Variants in PCDHGA9 observed in about 807,000 individuals in gnomAD.
The protein encoded by PCDHGA9 is protocadherin gamma-A9.
In PCDHGA9, 37 loss-of-function variants were observed where a neutral mutation model predicts 62.5. The ratio of observed to expected loss-of-function variants is 0.59; its 90% CI spans 0.46 to 0.78. PCDHGA9 has a LOEUF of 0.78. Among genes scored for constraint, PCDHGA9 ranks in the 30% least tolerant of loss-of-function variants. PCDHGA9 has a pLI of 0.00. For missense variants in PCDHGA9, 1,138 were observed against 1,166.2 expected (o/e 0.98, Z 0.35); for synonymous variants, 459 against 484.6 (o/e 0.95, Z 0.69).
Position 141,486,747 on chromosome 5 carries a change from A to G in PCDHGA9, c.2425-8060A>G, listed in dbSNP as rs750666508. The G allele has an allele frequency of 3.1e-6, 5 of 1,614,210 alleles. No homozygotes were observed. The highest frequency in any genetic ancestry group is 4.2e-6 in the Non-Finnish European group (5 of 1,180,034). On this transcript the variant is annotated intron_variant, in intron 1 of 3. Transcript: ENST00000573521. This position sits in a 1 kb window ranked among gnomAD's most constrained non-coding sequence, Gnocchi z 5.0. Reference sequence around the variant, plus strand: ...GTTCATGCTACTCGATCCTTTGACTATGAGCAAACCCAGACACTGCAGTTT... The same window carrying G: ...GTTCATGCTACTCGATCCTTTGACTGTGAGCAAACCCAGACACTGCAGTTT...
rs769232324 is a variant in PCDHGA9, at chr5:141,423,034, G to T, written c.2424+17658G>T. 4 of 1,614,082 alleles carry T rather than the reference G, an allele frequency of 2.5e-6. No individual in the cohort carries two copies. In the African/African-American group the frequency reaches 4.0e-5, roughly 16 times the overall value. On this transcript the variant is annotated intron_variant, in intron 1 of 3. Coordinates refer to ENST00000573521, the MANE Select transcript of PCDHGA9 (RefSeq NM_018921.3). ...GGTGGACAAAGATTCAGGCCAGAAC[G>T]CCTGGCTGTCCTATCGCCTGCTTAA...
rs371619613 is a variant in PCDHGA9 at position 141,444,258 on chromosome 5, G to A, written c.2424+38882G>A. The stretch of plus-strand genomic sequence containing the variant: ...ATGCTCTCGGCTCACTGCAACCTCC[G>A]CCTCCCAGGTTCAAGTGATTCTCCT... On this transcript the variant is annotated intron_variant, in intron 1 of 3. Coordinates refer to ENST00000573521, the MANE Select transcript of PCDHGA9 (RefSeq NM_018921.3). 1.3e-4 allele frequency among the ~76,000 whole-genome samples: 16 copies of A among 127,752 alleles called. No homozygotes were observed. The South Asian group carries it at 2.7e-3, about 21-fold the overall frequency. The allele number at this position is 127,752 out of a possible 152,430, so 83.8% of individuals were successfully genotyped here.
Position 141,403,390 on chromosome 5 carries a change from G to T in PCDHGA9, c.438G>T (p.Ala146=), listed in dbSNP as rs1471861396. The change falls in exon 1 of 4, where the codon GCG becomes GCT. Residue 146 remains alanine (A), a synonymous_variant. Transcript: ENST00000573521. ...ESLEVKINEI[A]VPGARYPLPE... ...TGGAAGTAAAAATTAACGAAATCGC[G>T]GTTCCTGGAGCACGTTATCCACTTC... 8.7e-6 allele frequency: 14 copies of T among 1,614,038 alleles called. No individual in the cohort carries two copies. The highest frequency in any genetic ancestry group is 1.3e-5 in the African/African-American group (1 of 75,074).
Position 141,476,290 on chromosome 5 carries a change from C to G in PCDHGA9, c.2425-18517C>G, listed in dbSNP as rs768208156. The stretch of plus-strand genomic sequence containing the variant: ...TGGTCGCGAACCTTGGTTTGGATCT[C>G]GGTAGCCTCTCAGCCCGCAGGTTCC... On this transcript the variant is annotated intron_variant, in intron 1 of 3. Coordinates refer to ENST00000573521, the MANE Select transcript of PCDHGA9 (RefSeq NM_018921.3). The surrounding 1 kb of genome is among the most constrained non-coding windows in gnomAD (Gnocchi z 7.6). 1 of 1,614,050 alleles carries G rather than the reference C, an allele frequency of 6.2e-7. No homozygotes were observed. The highest frequency in any genetic ancestry group is 1.7e-5 in the Admixed American group (1 of 60,012).
rs554845172 is a variant in PCDHGA9 at position 141,485,584 on chromosome 5, G to A, written c.2425-9223G>A. Reference sequence around the variant, plus strand: ...ACGCCCCCCGTTTTCCGCGGCAGCAGCTGGACTTGGAAATTGGGGAGGCAG... The same window carrying A: ...ACGCCCCCCGTTTTCCGCGGCAGCAACTGGACTTGGAAATTGGGGAGGCAG... On this transcript the variant is annotated intron_variant, in intron 1 of 3. Transcript: ENST00000573521. The surrounding 1 kb of genome is among the most constrained non-coding windows in gnomAD (Gnocchi z 5.7). The A allele has an allele frequency of 2.9e-5, 46 of 1,612,498 alleles. 1 individual carries two copies. The South Asian group carries it at 4.5e-4, about 16-fold the overall frequency.
chr5:141,506,207 TTGGGAAGCTGAG>T (rs1487107822), intron 3 of PCDHGA9, among the ~76,000 whole-genome samples: 1 of 152,020 alleles, frequency 6.6e-6, no homozygotes, highest in Non-Finnish European at 1.5e-5. Flanking sequence ...TCCCAGCACT[TTGGGAAGCTGAG>T]GCAGGAGGAT....
At chr5:141,494,938 G>A in intron 2 of PCDHGA9, 73 bp downstream of exon 2, 1 of 1,611,916 alleles carries the variant, frequency 6.2e-7, no homozygotes, top group South Asian at 1.1e-5. Context: ...AGGAGATGGG[G>A]GAGGGCCCAG....
At chr5:141,470,022 G>C (rs892106953) in intron 1 of PCDHGA9, among the ~76,000 whole-genome samples, 2 of 152,070 alleles carry the variant, frequency 1.3e-5, no homozygotes, top group African/African-American at 4.8e-5. Context: ...CCAGCTACTC[G>C]GGATGCTGAG....
chr5:141,487,429 C>A lies in PCDHGA9; in HGVS notation c.2425-7378C>A. 1 of 1,614,162 alleles carries A rather than the reference C, an allele frequency of 6.2e-7. No individual in the cohort carries two copies. Among genetic ancestry groups the A allele is most frequent in the Non-Finnish European group, 8.5e-7 (1 of 1,180,018 alleles). On this transcript the variant is annotated intron_variant, in intron 1 of 3. Transcript: ENST00000573521. The surrounding 1 kb of genome is among the most constrained non-coding windows in gnomAD (Gnocchi z 5.0). ...CCCCTTCCAATGGGATCCTCCGAAT[C>A]CAGCTAGGGTCAGATGACCCTATCA...
At chr5:141,467,455 GCTAGTA>G (rs2099144342) in intron 1 of PCDHGA9, among the ~76,000 whole-genome samples, 1 of 152,192 alleles carries the variant, frequency 6.6e-6, no homozygotes, top group African/African-American at 2.4e-5. Context: ...TTCTTCCAGT[GCTAGTA>G]CTTGCATGGT....
rs770685748 is a variant in PCDHGA9 at position 141,486,601 on chromosome 5, C to T, written c.2425-8206C>T. 9 of 1,613,558 alleles carry T rather than the reference C, an allele frequency of 5.6e-6. No homozygotes were observed. The highest frequency in any genetic ancestry group is 7.6e-6 in the Non-Finnish European group (9 of 1,180,024). On this transcript the variant is annotated intron_variant, in intron 1 of 3. Transcript: ENST00000573521. This position sits in a 1 kb window ranked among gnomAD's most constrained non-coding sequence, Gnocchi z 5.0. ...ATCGCCCAGGGGACCTGCTTTGCTC[C>T]CTTGCAGCCTCTGACCCAGACTCTG...
At position 141,418,812 on chromosome 5, in the gene PCDHGA9, A is replaced by T. The variant is rs761899929; in HGVS notation, c.2424+13436A>T. 4 of 1,613,914 alleles carry T rather than the reference A, an allele frequency of 2.5e-6. No individual in the cohort carries two copies. In the South Asian group the frequency reaches 4.4e-5, roughly 18 times the overall value. On this transcript the variant is annotated intron_variant, in intron 1 of 3. Transcript: ENST00000573521. ...GAAGAAGTAGAAAGATATACGATAA[A>T]CATAGAAGCAAAAGACCGAGGATCT... is the stretch of plus-strand genomic sequence containing the variant.
intron 1 of PCDHGA9, chr5:141,417,768 C>T: frequency 6.9e-7 from 1 of 1,451,358 alleles, no homozygotes; most frequent in Non-Finnish European, 9.1e-7. Context: ...ACCCGGGACT[C>T]CTCCTGTCCT....
At chr5:141,413,528 T>C in intron 1 of PCDHGA9, 1 of 1,613,834 alleles carries the variant, frequency 6.2e-7, no homozygotes, top group Non-Finnish European at 8.5e-7. Context: ...GAAGACAGGG[T>C]GAAACTTTTT....
At chr5:141,473,439 A>G (rs2099322281) in intron 1 of PCDHGA9, among the ~76,000 whole-genome samples, 1 of 152,210 alleles carries the variant, frequency 6.6e-6, no homozygotes, top group African/African-American at 2.4e-5. Flanking sequence ...TTGCTTATGC[A>G]AAAATAATTA....
chr5:141,503,268 C>A (rs1038268807), intron 2 of PCDHGA9, among the ~76,000 whole-genome samples: 6 of 152,068 alleles, frequency 3.9e-5, no homozygotes, highest in African/African-American at 7.2e-5. Context: ...AACCCCAGCA[C>A]CTGGCTCTGT....
rs1195249780 is a variant in PCDHGA9, at chr5:141,403,040, C to CA, written c.89dup (p.Ile31AspfsTer7). 1 of 1,613,950 alleles carries CA rather than the reference C, an allele frequency of 6.2e-7. No individual in the cohort carries two copies. Among genetic ancestry groups the CA allele is most frequent in the Non-Finnish European group, 8.5e-7 (1 of 1,179,918 alleles). Reference sequence around the variant, plus strand: ...GATGCTATGGGAGGCCAGGGCCAGTCAGATTCGCTACTCAGTGCCTGAAGA... The same window carrying CA: ...GATGCTATGGGAGGCCAGGGCCAGTCAAGATTCGCTACTCAGTGCCTGAAGA... On this transcript the variant is annotated frameshift_variant, in exon 1 of 4. Coordinates refer to ENST00000573521, the MANE Select transcript of PCDHGA9 (RefSeq NM_018921.3). LOFTEE classifies it high-confidence loss of function.
chr5:141,419,514 T>C (rs1180212485), intron 1 of PCDHGA9: 1 of 1,612,266 alleles, frequency 6.2e-7, no homozygotes, highest in Admixed American at 1.7e-5. Context: ...CGCGTGTTGG[T>C]GGGCGACCGT....
chr5:141,430,805 C>T (rs1445689047), intron 1 of PCDHGA9: 2 of 1,525,722 alleles, frequency 1.3e-6, no homozygotes, highest in Admixed American at 2.3e-5. Flanking sequence ...GCTTGTCCTG[C>T]TGGGAATCCT....
Sources: gnomAD v4.1 joint callset for allele counts (sites outside exome capture counted in the v4.1 genomes callset) on GRCh38, gnomAD v4.1.1 for gene constraint, Gnocchi (gnomAD v3.1) non-coding constraint, MANE v1.5 for transcripts, NCBI Gene and HGNC (gene_info 2026-07-23, HGNC 2026-07-21) for gene names.